The following SEC24C variants were observed in gnomAD, a reference collection of about 807,000 sequenced individuals.
The protein encoded by SEC24C is SEC24 homolog C, COPII component, also known as protein transport protein Sec24C.
SEC24C carries 22 observed loss-of-function variants against 117.0 expected under a neutral mutation model. The ratio of observed to expected loss-of-function variants is 0.19; its 90% CI spans 0.13 to 0.27. SEC24C has a LOEUF of 0.27. SEC24C is among the 10% of genes least tolerant of loss of function. The probability of loss-of-function intolerance (pLI) is 1.00; values close to 1 mark genes in which losing one functional copy is unlikely to be tolerated. For synonymous variants in SEC24C, 506 were observed against 529.4 expected, an observed-to-expected ratio of 0.96 and a Z score of 0.61; for missense variants, 1,155 against 1,375.1, an observed-to-expected ratio of 0.84 and a Z score of 2.53.
At chr10:73,768,578 A>T (rs566086699) in intron 15 of SEC24C, among the ~76,000 whole-genome samples, 3 of 152,318 alleles carry the variant, frequency 2.0e-5, no homozygotes, top group Non-Finnish European at 4.4e-5. Context: ...GTGTTAAAAT[A>T]CTTAAGTAGG....
At position 73,751,211 on chromosome 10, in the gene SEC24C, G is replaced by T. The variant is rs2082638078; in HGVS notation, c.276G>T (p.Gln92His). The T allele has an allele frequency of 6.2e-7, 1 of 1,614,194 alleles. No individual in the cohort carries two copies. Among genetic ancestry groups the T allele is most frequent in the Non-Finnish European group, 8.5e-7 (1 of 1,180,022 alleles). ...AYGQFGQGDV[Q>H]NGPSSTVQMQ... Reference sequence around the variant, plus strand: ...GCCAGTTTGGCCAAGGAGATGTACAGAATGGGCCAAGCTCCACTGTTCAGA... The same window carrying T: ...GCCAGTTTGGCCAAGGAGATGTACATAATGGGCCAAGCTCCACTGTTCAGA... Residue 92 changes from glutamine (Q) to histidine (H), a missense_variant, in exon 3 of 23, where the codon CAG becomes CAT. Transcript: ENST00000345254.
chr10:73,765,201 C>G (rs2082862642), intron 8 of SEC24C, among the ~76,000 whole-genome samples: 1 of 152,188 alleles, frequency 6.6e-6, no homozygotes, highest in Non-Finnish European at 1.5e-5. Flanking sequence ...TTTTGCATTT[C>G]CTCTTCTCTT....
chr10:73,771,170 G>GT lies in SEC24C; in HGVS notation c.*76dup. On this transcript the variant is annotated 3_prime_UTR_variant, in exon 23 of 23. Transcript: ENST00000345254. ...CCAGGATGTCAGAGAAATTGGGACAGTAACATATCTTATGTAAGCTGACCT... is the reference window on the plus strand; with the variant it reads ...CCAGGATGTCAGAGAAATTGGGACAGTTAACATATCTTATGTAAGCTGACCT... The GT allele has an allele frequency of 1.3e-6, 2 of 1,534,274 alleles. No homozygotes were observed. The highest frequency in any genetic ancestry group is 1.8e-6 in the Non-Finnish European group (2 of 1,128,622).
rs779590125 is a variant in SEC24C at position 73,769,997 on chromosome 10, C to T, written c.2844C>T (p.Tyr948=). The T allele has an allele frequency of 3.1e-5, 50 of 1,614,176 alleles. 1 individual carries two copies. Among genetic ancestry groups the T allele is most frequent in the East Asian group, 2.0e-4 (9 of 44,882 alleles). The change falls in exon 20 of 23, where the codon TAC becomes TAT. Residue 948 remains tyrosine (Y), a synonymous_variant. Transcript: ENST00000345254. The surrounding 1 kb of genome is among the most constrained non-coding windows in gnomAD (Gnocchi z 4.5). The stretch of plus-strand genomic sequence containing the variant: ...TGACTGAGACCAATGTCTTCTTCTA[C>T]CCTCGGCTCTTACCTTTGGTGCGAT... ...MDVTETNVFF[Y]PRLLPLTKSP...
intron 5 of SEC24C, 46 bp from the exon 6 acceptor site, chr10:73,760,667 A>G: frequency 6.5e-7 from 1 of 1,530,266 alleles, no homozygotes; most frequent in Non-Finnish European, 8.8e-7. Flanking sequence ...TTAAGAAGAG[A>G]TAGGGATGGG....
Position 73,751,165 on chromosome 10 carries a change from C to T in SEC24C, c.230C>T (p.Pro77Leu), listed in dbSNP as rs1265067662. The T allele has an allele frequency of 6.2e-7, 1 of 1,614,230 alleles. No homozygotes were observed. Among genetic ancestry groups the T allele is most frequent in the South Asian group, 1.1e-5 (1 of 91,086 alleles). The change falls in exon 3 of 23, where the codon CCT (proline) becomes CTT (leucine). Residue 77 changes from proline (P) to leucine (L), a missense_variant. Around this residue, in one of 2 missense-constraint regions of SEC24C, gnomAD observed 396 missense variants for 382.8 expected, o/e 1.03. Transcript: ENST00000345254. ...GAPPASTAQA[P>L]CGQAAYGQFG... is the part of the protein sequence containing the mutation. The stretch of plus-strand genomic sequence containing the variant: ...CCTCCAGCCTCAACAGCACAGGCTC[C>T]TTGTGGCCAGGCTGCATATGGCCAG...
chr10:73,763,428 G>T, intron 6 of SEC24C, 62 bp from the exon 7 acceptor site: 1 of 1,143,462 alleles, frequency 8.7e-7, no homozygotes, highest in Non-Finnish European at 1.3e-6. Flanking sequence ...TTCACTCTTG[G>T]CACTCTGGGA....
chr10:73,746,688 G>GATT (rs750163192), intron 1 of SEC24C, 117 bp from the exon 2 acceptor site: 2 of 585,900 alleles, frequency 3.4e-6, no homozygotes, highest in Non-Finnish European at 5.6e-6. Context: ...GAAGTGTGAG[G>GATT]ATTATTAAAC....
In SEC24C at chr10:73,765,544, G is replaced by A. The variant is rs753599137; in HGVS notation, c.1321G>A (p.Gly441Arg). The change falls in exon 9 of 23, where the codon GGA (glycine) becomes AGA (arginine). Residue 441 changes from glycine (G) to arginine (R), a missense_variant. Gly to Arg is a moderately radical substitution (Grantham distance 125, BLOSUM62 -2). This residue lies in a region of SEC24C where 759 missense variants were observed against 992.3 expected (regional missense o/e 0.76). Coordinates refer to ENST00000345254, the MANE Select transcript of SEC24C (RefSeq NM_198597.3). ...YMCPFMQFIE[G>R]GRRFQCCFCS... ...GTGTCCCTTCATGCAGTTCATTGAA[G>A]GAGGGAGGCGTTTCCAGTGCTGTTT... is the stretch of plus-strand genomic sequence containing the variant. 3 of 1,614,172 alleles carry A rather than the reference G, an allele frequency of 1.9e-6. No homozygotes were observed. The highest frequency in any genetic ancestry group is 1.3e-5 in the African/African-American group (1 of 75,078).
Position 73,770,306 on chromosome 10 carries a change from C to T in SEC24C, c.2889C>T (p.Thr963=), listed in dbSNP as rs377064657. The change falls in exon 21 of 23, where the codon ACC becomes ACT. Residue 963 remains threonine, a synonymous_variant. Transcript: ENST00000345254. The part of the protein sequence containing the change: ...PLTKSPVEST[T]EPPAVRASEE... Reference sequence around the variant, plus strand: ...CAAAGTCTCCCGTTGAGAGTACTACCGAACCACCAGCAGTTCGAGCCTCTG... The same window carrying T: ...CAAAGTCTCCCGTTGAGAGTACTACTGAACCACCAGCAGTTCGAGCCTCTG... The T allele has an allele frequency of 1.6e-5, 26 of 1,612,302 alleles. No individual in the cohort carries two copies. The highest frequency in any genetic ancestry group is 4.5e-5 in the East Asian group (2 of 44,872).
At position 73,759,528 on chromosome 10, in the gene SEC24C, A is replaced by G. The variant is rs2082761978; in HGVS notation, c.309-94A>G. 3 of 994,138 alleles carry G rather than the reference A, an allele frequency of 3.0e-6. No homozygotes were observed. The South Asian group carries it at 9.1e-5, about 30-fold the overall frequency. 61.6% of individuals were successfully genotyped at this position (994,138 alleles called of 1,614,324 possible). ...CAGGGTGTGAGAGTAAGATGTCACAAAACAATGTAGCTTCCTGTATGATGT... is the reference window on the plus strand; with the variant it reads ...CAGGGTGTGAGAGTAAGATGTCACAGAACAATGTAGCTTCCTGTATGATGT... On this transcript the variant is annotated intron_variant, in intron 3 of 22. Coordinates refer to ENST00000345254, the MANE Select transcript of SEC24C (RefSeq NM_198597.3).
chr10:73,771,215 G>C lies in SEC24C; in HGVS notation c.*120G>C. 1.7e-6 allele frequency: 2 copies of C among 1,207,724 alleles called. 1 individual carries two copies. The highest frequency in any genetic ancestry group is 2.9e-5 in the South Asian group (2 of 68,078). 74.8% of individuals were successfully genotyped at this position (1,207,724 alleles called of 1,614,324 possible). On this transcript the variant is annotated 3_prime_UTR_variant, in exon 23 of 23. Transcript: ENST00000345254. ...TGACCTCAGTCTCTCTGGGGGGAGG[G>C]GGAGATATAAGGAGACACCTTCTTT... is the stretch of plus-strand genomic sequence containing the variant.
rs1227968541 is a variant in SEC24C at position 73,769,338 on chromosome 10, T to C, written c.2425-9T>C. The C allele has an allele frequency of 1.5e-5, 24 of 1,613,488 alleles. No individual in the cohort carries two copies. Among genetic ancestry groups the C allele is most frequent in the African/African-American group, 2.7e-5 (2 of 74,894 alleles). ...GGGGTGTGAGTTCCCCCTTTCTCCTTTCCCCTAGTGTGCCCTGCTTTACAC... is the reference window on the plus strand; with the variant it reads ...GGGGTGTGAGTTCCCCCTTTCTCCTCTCCCCTAGTGTGCCCTGCTTTACAC... On this transcript the variant is annotated splice_polypyrimidine_tract_variant and intron_variant, in intron 17 of 22. Coordinates refer to ENST00000345254, the MANE Select transcript of SEC24C (RefSeq NM_198597.3). The surrounding 1 kb of genome is among the most constrained non-coding windows in gnomAD (Gnocchi z 4.5).
Position 73,746,175 on chromosome 10 carries a change from A to AAAC in SEC24C, c.-28-628_-28-627insCAA, listed in dbSNP as rs1554965922. On this transcript the variant is annotated intron_variant, in intron 1 of 22. Coordinates refer to ENST00000345254, the MANE Select transcript of SEC24C (RefSeq NM_198597.3). ...CTCCGTCTCAAAAAAAAAAAAAAAAAAAAAAAACCTTCAGTTTTAAGGTCC... is the reference window on the plus strand; with the variant it reads ...CTCCGTCTCAAAAAAAAAAAAAAAAAAACAAAAAAACCTTCAGTTTTAAGGTCC... Among the ~76,000 whole-genome samples, 3 of 151,688 alleles carry AAAC rather than the reference A, an allele frequency of 2.0e-5. No individual in the cohort carries two copies. In the East Asian group the frequency reaches 5.9e-4, roughly 30 times the overall value.
At chr10:73,765,688 C>G (rs2082871897) in intron 9 of SEC24C, 99 bp downstream of exon 9, 7 of 1,575,298 alleles carry the variant, frequency 4.4e-6, no homozygotes, top group Non-Finnish European at 6.1e-6. Flanking sequence ...CTTTCAGGAG[C>G]TGGGGAAGTA....
intron 20 of SEC24C, 53 bp from the exon 21 acceptor site, chr10:73,770,227 G>A: frequency 6.6e-7 from 1 of 1,516,640 alleles, no homozygotes; most frequent in Non-Finnish European, 8.9e-7. Context: ...GTGCGGGGGG[G>A]CAGACTTGTC....
intron 14 of SEC24C, 41 bp downstream of exon 14, chr10:73,767,211 T>C (rs1170645531): frequency 7.4e-7 from 1 of 1,348,080 alleles, no homozygotes; most frequent in Admixed American, 1.7e-5. Flanking sequence ...GATTTTTCAT[T>C]ACAGAGGAAG....
Position 73,769,116 on chromosome 10 carries a change from C to T in SEC24C, c.2388C>T (p.Asp796=), listed in dbSNP as rs367825179. 2.9e-5 allele frequency: 47 copies of T among 1,614,200 alleles called. No individual in the cohort carries two copies. Among genetic ancestry groups the T allele is most frequent in the Middle Eastern group, 3.3e-4 (2 of 6,062 alleles). Residue 796 remains aspartate (D), a synonymous_variant, in exon 17 of 23, where the codon GAC becomes GAT. Transcript: ENST00000345254. This position sits in a 1 kb window ranked among gnomAD's most constrained non-coding sequence, Gnocchi z 4.5. Reference sequence around the variant, plus strand: ...CAGTGACTGTGGAGTTCAAGCATGACGATCGGCTCAATGAAGAGAGCGGAG... The same window carrying T: ...CAGTGACTGTGGAGTTCAAGCATGATGATCGGCTCAATGAAGAGAGCGGAG... The part of the protein sequence containing the change: ...DKTVTVEFKH[D]DRLNEESGAL...
In SEC24C at chr10:73,759,625, G is replaced by A. The variant is rs751589832; in HGVS notation, c.312G>A (p.Leu104=). The A allele has an allele frequency of 2.6e-6, 4 of 1,518,086 alleles. No individual in the cohort carries two copies. The highest frequency in any genetic ancestry group is 3.5e-6 in the Non-Finnish European group (4 of 1,134,224). 94.0% of individuals were successfully genotyped at this position (1,518,086 alleles called of 1,614,324 possible). The change falls in exon 4 of 23, where the codon CTG becomes CTA. Residue 104 remains leucine (L), a synonymous_variant. Transcript: ENST00000345254. Reference sequence around the variant, plus strand: ...TCTGCTTGCTTTCTTTTCACAGGCTGCCTGGGTCTCAGCCATTTGGGTCCC... The same window carrying A: ...TCTGCTTGCTTTCTTTTCACAGGCTACCTGGGTCTCAGCCATTTGGGTCCC... ...GPSSTVQMQR[L]PGSQPFGSPL... is the part of the protein sequence containing the mutation.
Sources: allele counts gnomAD v4.1 joint callset (sites outside exome capture counted in the v4.1 genomes callset), GRCh38; gene constraint gnomAD v4.1.1; regional missense constraint gnomAD v4.1.1; non-coding constraint Gnocchi (gnomAD v3.1); transcripts MANE v1.5; gene names NCBI Gene and HGNC (gene_info 2026-07-23, HGNC 2026-07-21).